The following HDAC9 variants were observed in gnomAD, a reference collection of about 807,000 sequenced individuals.
HDAC9 encodes the protein histone deacetylase 9.
Under a neutral mutation model 139.4 loss-of-function variants are expected in HDAC9, and 41 were observed. The ratio of observed to expected loss-of-function variants is 0.29; its 90% CI spans 0.23 to 0.38. The LOEUF (loss-of-function observed/expected upper bound fraction) is 0.38, where lower values mean the gene tolerates loss of function less well. Ranked by LOEUF, HDAC9 falls within the 10% of genes least tolerant of loss-of-function variation. The pLI is 1.00. For synonymous variants in HDAC9, 517 were observed against 476.2 expected (o/e 1.09, Z -1.12); for missense variants, 1,147 against 1,297.0 (o/e 0.88, Z 1.78).
chr7:18,514,417 C>A (rs1199532996), intron 2 of HDAC9, among the ~76,000 whole-genome samples: 1 of 152,128 alleles, frequency 6.6e-6, no homozygotes, highest in Non-Finnish European at 1.5e-5. Context: ...CCAGTGACTA[C>A]ATTTGAATTT....
intron 2 of HDAC9, among the ~76,000 whole-genome samples, chr7:18,537,707 A>G (rs1306378687): frequency 6.6e-6 from 1 of 152,182 alleles, no homozygotes; most frequent in Non-Finnish European, 1.5e-5. Flanking sequence ...GGATTTTTGT[A>G]TATGGAGGGA....
chr7:18,501,528 C>G (rs1253732550), intron 2 of HDAC9, among the ~76,000 whole-genome samples: 1 of 152,090 alleles, frequency 6.6e-6, no homozygotes, highest in African/African-American at 2.4e-5. Context: ...AGTTTTAAAT[C>G]TGCTTAATTC....
At position 18,499,080 on chromosome 7, in the gene HDAC9, ATGTG is replaced by A. The variant is rs55670527; in HGVS notation, c.22+2776_22+2779del. Reference sequence around the variant, plus strand: ...CACTATAGGTAAGAGTAGGGTGTGTATGTGTGTGTGTGTGTGTGTGTGTTCTCTG... The same window carrying A: ...CACTATAGGTAAGAGTAGGGTGTGTATGTGTGTGTGTGTGTGTGTTCTCTG... On this transcript the variant is annotated intron_variant, in intron 2 of 25. Coordinates refer to ENST00000686413, the MANE Select transcript of HDAC9 (RefSeq NM_178425.4). 8.1e-3 allele frequency among the ~76,000 whole-genome samples: 1,207 copies of A among 149,316 alleles called. 11 individuals carry two copies. Among genetic ancestry groups the A allele is most frequent in the African/African-American group, 0.021 (879 of 40,906 alleles).
intron 1 of HDAC9, among the ~76,000 whole-genome samples, chr7:18,091,830 C>G (rs976242156): frequency 6.6e-6 from 1 of 152,218 alleles, no homozygotes; most frequent in Non-Finnish European, 1.5e-5. Context: ...CCTCCATTTT[C>G]TTGCTGGCTG....
chr7:18,271,980 A>C (rs1796384192), intron 2 of HDAC9, among the ~76,000 whole-genome samples: 1 of 152,240 alleles, frequency 6.6e-6, no homozygotes, highest in Non-Finnish European at 1.5e-5. Context: ...AGCATCAAAA[A>C]TTAATTCTCA....
At chr7:18,716,158 T>A (rs1231134647) in intron 12 of HDAC9, among the ~76,000 whole-genome samples, 1 of 152,214 alleles carries the variant, frequency 6.6e-6, no homozygotes, top group Admixed American at 6.5e-5. Flanking sequence ...AGACCAGAGC[T>A]CTATTGTTCA....
chr7:18,873,712 G>C (rs759135669), intron 21 of HDAC9, among the ~76,000 whole-genome samples: 1 of 152,054 alleles, frequency 6.6e-6, no homozygotes, highest in Non-Finnish European at 1.5e-5. Context: ...ATGGCATACT[G>C]GTCTTCAAGC....
Position 18,773,433 on chromosome 7 carries a change from G to A in HDAC9, c.2214+6278G>A, listed in dbSNP as rs1358070232. Among the ~76,000 whole-genome samples, 4 of 148,092 alleles carry A rather than the reference G, an allele frequency of 2.7e-5. No individual in the cohort carries two copies. In the South Asian group the frequency reaches 6.4e-4, roughly 24 times the overall value. On this transcript the variant is annotated intron_variant, in intron 16 of 25. Transcript: ENST00000686413. ...CACAAAAGCACCTATTTCCACCAAA[G>A]TAATGTCAATAACAGGGAGGAAGAA...
chr7:18,092,099 G>A (rs967724019), intron 1 of HDAC9, among the ~76,000 whole-genome samples: 2 of 152,180 alleles, frequency 1.3e-5, no homozygotes, highest in South Asian at 4.1e-4. Flanking sequence ...AGAATCTCTG[G>A]TGTAGGGTGG....
chr7:18,130,015 A>AACCAC (rs1478039861), intron 1 of HDAC9, among the ~76,000 whole-genome samples: 3 of 152,128 alleles, frequency 2.0e-5, no homozygotes, highest in Non-Finnish European at 4.4e-5. Flanking sequence ...AACCAAACCA[A>AACCAC]ACCAAAACAA....
intron 1 of HDAC9, among the ~76,000 whole-genome samples, chr7:18,422,242 C>T (rs1789686345): frequency 9.9e-5 from 15 of 152,246 alleles, no homozygotes; most frequent in Admixed American, 9.2e-4. Flanking sequence ...TTCCCTTTCT[C>T]CTCAGTTTCC....
chr7:18,469,477 G>T (rs1362154093), intron 1 of HDAC9, among the ~76,000 whole-genome samples: 1 of 151,684 alleles, frequency 6.6e-6, no homozygotes, highest in East Asian at 1.9e-4. Context: ...ACATTAACGA[G>T]AAAAAAAAGC....
At chr7:18,806,215 C>A (rs1317363966) in intron 17 of HDAC9, among the ~76,000 whole-genome samples, 1 of 152,172 alleles carries the variant, frequency 6.6e-6, no homozygotes, top group Non-Finnish European at 1.5e-5. Context: ...GCATTATTAA[C>A]TTTCTATTGC....
At chr7:18,155,085 C>T (rs1298391843) in intron 1 of HDAC9, among the ~76,000 whole-genome samples, 3 of 141,330 alleles carry the variant, frequency 2.1e-5, no homozygotes, top group Non-Finnish European at 4.5e-5. Context: ...TTCTTTCTTT[C>T]TTTCTTTCTT....
intron 2 of HDAC9, among the ~76,000 whole-genome samples, chr7:18,195,112 T>C (rs547348219): frequency 3.3e-5 from 5 of 152,164 alleles, no homozygotes; most frequent in South Asian, 2.1e-4. Flanking sequence ...TGAAAACTTA[T>C]TCTCTATCTG....
At chr7:18,297,726 G>A (rs1285315521) in intron 1 of HDAC9, among the ~76,000 whole-genome samples, 1 of 152,128 alleles carries the variant, frequency 6.6e-6, no homozygotes, top group Non-Finnish European at 1.5e-5. Flanking sequence ...AACCACCAGT[G>A]GCACAGTAAA....
At chr7:18,622,358 C>T (rs953950684) in intron 6 of HDAC9, among the ~76,000 whole-genome samples, 3 of 152,148 alleles carry the variant, frequency 2.0e-5, no homozygotes, top group Non-Finnish European at 4.4e-5. Flanking sequence ...GAGTCTCGCC[C>T]TGTCACCCAG....
chr7:18,162,976 A>G (rs959033239), intron 2 of HDAC9, among the ~76,000 whole-genome samples: 12 of 152,206 alleles, frequency 7.9e-5, no homozygotes, highest in African/African-American at 2.9e-4. Context: ...TTTGGGAATG[A>G]TGAAGTAGGG....
At chr7:18,630,364 A>C (rs983882718) in intron 7 of HDAC9, among the ~76,000 whole-genome samples, 12 of 151,968 alleles carry the variant, frequency 7.9e-5, no homozygotes, top group Non-Finnish European at 1.6e-4. Context: ...CTCCAAGATC[A>C]GATCTTATTT....
Sources: gnomAD v4.1 joint callset for allele counts (sites outside exome capture counted in the v4.1 genomes callset) on GRCh38, gnomAD v4.1.1 for gene constraint, MANE v1.5 for transcripts, NCBI Gene and HGNC (gene_info 2026-07-23, HGNC 2026-07-21) for gene names.